WDPCP: variants seen among roughly 807,000 people sequenced by gnomAD.
WDPCP encodes the protein WD repeat containing planar cell polarity effector.
WDPCP carries 71 observed loss-of-function variants against 93.1 expected under a neutral mutation model. That is an observed-to-expected ratio of 0.76 (90% CI 0.63 to 0.93). The LOEUF (loss-of-function observed/expected upper bound fraction) is 0.93. Among genes scored for constraint, WDPCP ranks in the 40% least tolerant of loss-of-function variants. WDPCP has a pLI of 0.00. For missense variants in WDPCP, 844 were observed against 887.4 expected, an observed-to-expected ratio of 0.95 and a Z score of 0.62; for synonymous variants, 315 against 315.0, an observed-to-expected ratio of 1.00 and a Z score of 0.00.
intron 13 of WDPCP, among the ~76,000 whole-genome samples, chr2:63,287,891 AT>A (rs1467709006): frequency 1.3e-5 from 2 of 152,190 alleles, no homozygotes; most frequent in African/African-American, 4.8e-5. Flanking sequence ...TATATTCATA[AT>A]ATTTAAAATT....
intron 2 of WDPCP, among the ~76,000 whole-genome samples, chr2:63,693,372 A>G (rs997944588): frequency 6.6e-6 from 1 of 152,188 alleles, no homozygotes; most frequent in African/African-American, 2.4e-5. Context: ...TTAGTGGTAC[A>G]GATAGTAATT....
chr2:63,803,370 G>C (rs899663336), intron 2 of WDPCP, among the ~76,000 whole-genome samples: 11 of 152,016 alleles, frequency 7.2e-5, no homozygotes, highest in African/African-American at 2.4e-4. Context: ...AAACTGGTAT[G>C]GTATTTCTTT....
intron 3 of WDPCP, among the ~76,000 whole-genome samples, chr2:63,633,202 C>A (rs1709882595): frequency 6.6e-6 from 1 of 152,136 alleles, no homozygotes; most frequent in African/African-American, 2.4e-5. Flanking sequence ...TACCACTAGA[C>A]CTTCCATGTA....
At chr2:63,645,161 T>A (rs1710033227) in intron 3 of WDPCP, among the ~76,000 whole-genome samples, 1 of 152,188 alleles carries the variant, frequency 6.6e-6, no homozygotes, top group African/African-American at 2.4e-5. Context: ...TCCCTCTTAG[T>A]AATGCTTTTG....
At chr2:63,606,116 T>C in intron 3 of WDPCP, 1 of 1,235,966 alleles carries the variant, frequency 8.1e-7, no homozygotes, top group South Asian at 1.2e-5. Context: ...GCACAGTGGC[T>C]CACGCCTATA....
Position 63,328,894 on chromosome 2 carries a change from A to ATT in WDPCP, c.1749-15585_1749-15584dup, listed in dbSNP as rs538734721. Among the ~76,000 whole-genome samples, 19 of 151,830 alleles carry ATT rather than the reference A, an allele frequency of 1.3e-4. No individual in the cohort carries two copies. The East Asian group carries it at 2.3e-3, about 19-fold the overall frequency. ...AGGTACACACCACTGTGCCTGGCCA[A>ATT]TTTTTTTTATCTTTTGTAGAGATGG... is the stretch of plus-strand genomic sequence containing the variant. On this transcript the variant is annotated intron_variant, in intron 12 of 17. Coordinates refer to ENST00000272321, the MANE Select transcript of WDPCP (RefSeq NM_015910.7).
intron 3 of WDPCP, among the ~76,000 whole-genome samples, chr2:63,601,797 T>G (rs986144923): frequency 1.3e-5 from 2 of 152,206 alleles, no homozygotes; most frequent in Non-Finnish European, 2.9e-5. Context: ...AAGCAGACAT[T>G]CAGGGAAGTT....
chr2:63,502,735 T>C (rs78537252), intron 1 of WDPCP, among the ~76,000 whole-genome samples: 10 of 152,058 alleles, frequency 6.6e-5, no homozygotes, highest in African/African-American at 1.2e-4. Context: ...AAAATTTTTT[T>C]CACTAACATA....
intron 15 of WDPCP, among the ~76,000 whole-genome samples, chr2:63,163,889 G>A (rs1403441021): frequency 6.6e-5 from 10 of 152,094 alleles, no homozygotes; most frequent in Non-Finnish European, 7.4e-5. Flanking sequence ...CAACTTAAAG[G>A]AAAACTGCTT....
chr2:63,314,207 C>G (rs1357488756), intron 12 of WDPCP, among the ~76,000 whole-genome samples: 2 of 150,934 alleles, frequency 1.3e-5, no homozygotes, highest in African/African-American at 4.9e-5. Context: ...TACAGGGTCT[C>G]ACTCTGTCAC....
At chr2:63,374,313 AAG>A (rs1691659198) in intron 12 of WDPCP, among the ~76,000 whole-genome samples, 1 of 152,146 alleles carries the variant, frequency 6.6e-6, no homozygotes, top group Non-Finnish European at 1.5e-5. Flanking sequence ...TTGTGGAATC[AAG>A]CATCCTTATC....
chr2:63,580,264 TA>T (rs1423192640), intron 1 of WDPCP, among the ~76,000 whole-genome samples: 15 of 152,270 alleles, frequency 9.9e-5, no homozygotes, highest in African/African-American at 3.6e-4. Context: ...ACAACCATAG[TA>T]ATAATTGATT....
intron 2 of WDPCP, chr2:63,752,636 G>A (rs1027262777): frequency 3.2e-5 from 15 of 465,288 alleles, no homozygotes; most frequent in South Asian, 7.1e-5. Flanking sequence ...TGACGGTGGC[G>A]GTGGGAAGAG....
At chr2:63,437,358 T>C in intron 8 of WDPCP, 63 bp downstream of exon 8, 1 of 1,304,494 alleles carries the variant, frequency 7.7e-7, no homozygotes, top group Admixed American at 2.3e-5. Context: ...GAATACCAAC[T>C]TATGTGATAC....
At chr2:63,486,999 C>T (rs1055335037) in intron 3 of WDPCP, among the ~76,000 whole-genome samples, 2 of 151,998 alleles carry the variant, frequency 1.3e-5, no homozygotes, top group Non-Finnish European at 2.9e-5. Context: ...CAGGAAGTAA[C>T]TCTAGCTAGA....
intron 12 of WDPCP, among the ~76,000 whole-genome samples, chr2:63,343,500 T>A (rs932900394): frequency 1.3e-5 from 2 of 152,198 alleles, no homozygotes; most frequent in Non-Finnish European, 2.9e-5. Context: ...CATTTGGTTT[T>A]GATTATAATG....
At chr2:63,415,282 G>C (rs1695334205) in intron 9 of WDPCP, among the ~76,000 whole-genome samples, 1 of 152,138 alleles carries the variant, frequency 6.6e-6, no homozygotes, top group Non-Finnish European at 1.5e-5. Flanking sequence ...AGGATCACTT[G>C]AGCACAGGAG....
At chr2:63,589,258 G>T (rs1709097128), upstream of WDPCP, 3 of 1,551,850 alleles carry the variant, frequency 1.9e-6, no homozygotes, top group Non-Finnish European at 2.6e-6. Context: ...GCGCTCTTAG[G>T]AGGACTCTGG....
intron 9 of WDPCP, among the ~76,000 whole-genome samples, chr2:63,428,378 T>C (rs1274624405): frequency 6.6e-6 from 1 of 152,284 alleles, no homozygotes; most frequent in East Asian, 1.9e-4. Flanking sequence ...ATCAAAAAGT[T>C]AATTCACCAC....
Sources: allele counts gnomAD v4.1 joint callset (sites outside exome capture counted in the v4.1 genomes callset), GRCh38; gene constraint gnomAD v4.1.1; transcripts MANE v1.5; gene names NCBI Gene and HGNC (gene_info 2026-07-23, HGNC 2026-07-21).